The following TDRD5 variants were observed in gnomAD, a reference collection of about 807,000 sequenced individuals.
TDRD5 encodes the protein tudor domain-containing protein 5.
TDRD5 carries 41 observed loss-of-function variants against 120.6 expected under a neutral mutation model. That is an observed-to-expected ratio of 0.34 (90% CI 0.26 to 0.44). TDRD5 has a LOEUF of 0.44. TDRD5 is among the 20% of genes least tolerant of loss of function. TDRD5 has a pLI of 1.00. For missense variants in TDRD5, 1,006 were observed against 1,221.2 expected (o/e 0.82, Z 2.63); for synonymous variants, 430 against 433.7 (o/e 0.99, Z 0.11).
intron 4 of TDRD5, among the ~76,000 whole-genome samples, chr1:179,597,046 T>G (rs1675431622): frequency 6.6e-6 from 1 of 152,216 alleles, no homozygotes; most frequent in African/African-American, 2.4e-5. Context: ...CATAATAATC[T>G]AATGATAATG....
chr1:179,674,750 C>A (rs1680033571), intron 17 of TDRD5, among the ~76,000 whole-genome samples: 1 of 152,150 alleles, frequency 6.6e-6, no homozygotes, highest in Admixed American at 6.5e-5. Flanking sequence ...GATTCTGTAT[C>A]ATCCTGGTTT....
At chr1:179,666,946 C>T (rs1352628212) in intron 16 of TDRD5, among the ~76,000 whole-genome samples, 1 of 152,146 alleles carries the variant, frequency 6.6e-6, no homozygotes, top group East Asian at 1.9e-4. Context: ...GGTGTATTTC[C>T]AAACAACTGT....
At chr1:179,631,666 G>GTTTCTTCC (rs1677454889) in intron 7 of TDRD5, among the ~76,000 whole-genome samples, 1 of 151,948 alleles carries the variant, frequency 6.6e-6, no homozygotes, top group Non-Finnish European at 1.5e-5. Context: ...CTTTCACCCA[G>GTTTCTTCC]TTTCTTCCAA....
rs1679735564 is a variant in TDRD5, at chr1:179,669,339, T to C, written c.2795T>C (p.Leu932Pro). Residue 932 changes from leucine to proline, a missense_variant, in exon 17 of 18, where the codon CTT (leucine) becomes CCT (proline). Coordinates refer to ENST00000444136, the MANE Select transcript of TDRD5 (RefSeq NM_001199085.3). Reference protein sequence around the residue: ...NSQTQPKQIQLSTAAPCSTTA... With the variant: ...NSQTQPKQIQPSTAAPCSTTA... ...CAGACTCAGCCAAAGCAAATTCAGC[T>C]TTCCACAGCAGCACCCTGTTCAACA... is the stretch of plus-strand genomic sequence containing the variant. The C allele has an allele frequency of 1.2e-6, 2 of 1,614,048 alleles. No individual in the cohort carries two copies. The highest frequency in any genetic ancestry group is 4.5e-5 in the East Asian group (2 of 44,890).
intron 12 of TDRD5, 58 bp downstream of exon 12, chr1:179,651,125 T>C (rs1444184682): frequency 1.3e-6 from 2 of 1,536,304 alleles, no homozygotes; most frequent in Admixed American, 1.8e-5. Context: ...CACGTCAAGG[T>C]ATAAGATAAT....
intron 11 of TDRD5, among the ~76,000 whole-genome samples, chr1:179,645,111 A>G (rs1217747361): frequency 9.2e-6 from 1 of 108,248 alleles, no homozygotes; most frequent in Non-Finnish European, 1.7e-5. Context: ...TTTGAGACGG[A>G]GTCTCGCTCT....
At chr1:179,634,102 C>T (rs548841918) in intron 7 of TDRD5, among the ~76,000 whole-genome samples, 2 of 149,978 alleles carry the variant, frequency 1.3e-5, no homozygotes, top group East Asian at 2.0e-4. Context: ...ACCCAGGAGG[C>T]GGAACTTGCA....
intron 11 of TDRD5, among the ~76,000 whole-genome samples, chr1:179,641,384 G>A (rs1278854178): frequency 6.6e-6 from 1 of 152,038 alleles, no homozygotes; most frequent in African/African-American, 2.4e-5. Flanking sequence ...ACAAAAAATA[G>A]CCAGGCGTGG....
At chr1:179,658,745 C>T (rs1679132414) in intron 14 of TDRD5, among the ~76,000 whole-genome samples, 1 of 152,058 alleles carries the variant, frequency 6.6e-6, no homozygotes, top group Non-Finnish European at 1.5e-5. Context: ...TTTGGTGTCA[C>T]TGGTTTTATC....
chr1:179,625,425 G>A (rs1231763083), intron 6 of TDRD5, among the ~76,000 whole-genome samples: 2 of 152,202 alleles, frequency 1.3e-5, no homozygotes, highest in Admixed American at 6.5e-5. Context: ...ATCTAACAAA[G>A]GACTTATATT....
chr1:179,691,070 C>T lies in TDRD5; in HGVS notation c.*127C>T, dbSNP rs1028328473. 1 of 1,285,708 alleles carries T rather than the reference C, an allele frequency of 7.8e-7. No homozygotes were observed. The allele number at this position is 1,285,708 out of a possible 1,614,324, so 79.6% of individuals were successfully genotyped here. A position where few individuals can be genotyped will look rare whatever the true frequency, so the allele number is the denominator to read the frequency against. On this transcript the variant is annotated 3_prime_UTR_variant, in exon 18 of 18. Transcript: ENST00000444136. Reference sequence around the variant, plus strand: ...CATTGATACTTTTGTCTTTCTGTGACTATATGTTAGCTTTATTATGCTAAC... The same window carrying T: ...CATTGATACTTTTGTCTTTCTGTGATTATATGTTAGCTTTATTATGCTAAC...
Position 179,640,060 on chromosome 1 carries a change from A to T in TDRD5, c.1733+9A>T. The T allele has an allele frequency of 6.2e-7, 1 of 1,613,318 alleles. No homozygotes were observed. Among genetic ancestry groups the T allele is most frequent in the Non-Finnish European group, 8.5e-7 (1 of 1,179,420 alleles). On this transcript the variant is annotated intron_variant, in intron 10 of 17. Coordinates refer to ENST00000444136, the MANE Select transcript of TDRD5 (RefSeq NM_001199085.3). Reference sequence around the variant, plus strand: ...TCCCTGAGGTTCCTCAAGTGAGTTGAATTGAATTAGAACAATGGATGAATT... The same window carrying T: ...TCCCTGAGGTTCCTCAAGTGAGTTGTATTGAATTAGAACAATGGATGAATT...
intron 5 of TDRD5, among the ~76,000 whole-genome samples, 171 bp downstream of exon 5, chr1:179,618,853 A>C (rs1257449969): frequency 6.6e-6 from 1 of 152,136 alleles, no homozygotes; most frequent in Non-Finnish European, 1.5e-5. Flanking sequence ...TACTCCTAAA[A>C]ATTTTTAACA....
intron 17 of TDRD5, among the ~76,000 whole-genome samples, chr1:179,677,537 C>T (rs536517262): frequency 1.3e-5 from 2 of 152,188 alleles, no homozygotes; most frequent in African/African-American, 2.4e-5. Context: ...TTTTGTCCCA[C>T]GGGATGCTCC....
At chr1:179,610,807 T>C (rs1676235723) in intron 4 of TDRD5, among the ~76,000 whole-genome samples, 1 of 152,126 alleles carries the variant, frequency 6.6e-6, no homozygotes, top group Non-Finnish European at 1.5e-5. Context: ...CTTTCAGACT[T>C]TTTTTCTATT....
At chr1:179,633,873 A>G (rs1049093974) in intron 7 of TDRD5, among the ~76,000 whole-genome samples, 15 of 152,026 alleles carry the variant, frequency 9.9e-5, no homozygotes, top group African/African-American at 3.6e-4. Flanking sequence ...GTCTTTAACT[A>G]AAGTTTAAGA....
At chr1:179,647,586 C>A (rs1177014196) in intron 11 of TDRD5, among the ~76,000 whole-genome samples, 1 of 151,558 alleles carries the variant, frequency 6.6e-6, no homozygotes, top group Admixed American at 6.6e-5. Context: ...GCAACAAAAG[C>A]CAAAATTGAC....
chr1:179,678,493 A>C (rs1680254265), intron 17 of TDRD5, among the ~76,000 whole-genome samples: 1 of 152,188 alleles, frequency 6.6e-6, no homozygotes, highest in Non-Finnish European at 1.5e-5. Flanking sequence ...GAGTCTCCAC[A>C]TGCCACTTTG....
In TDRD5 at chr1:179,650,889, T is replaced by C. The variant is rs1310991006; in HGVS notation, c.1823T>C (p.Ile608Thr). 1.9e-6 allele frequency: 3 copies of C among 1,614,160 alleles called. No individual in the cohort carries two copies. The highest frequency in any genetic ancestry group is 2.7e-5 in the African/African-American group (2 of 75,048). The change falls in exon 12 of 18, where the codon ATT becomes ACT. Residue 608 changes from isoleucine to threonine, a missense_variant. Transcript: ENST00000444136. ...PVEEHWTSKA[I>T]LQFQKLCGLK... ...CAGGAACACTGGACATCGAAAGCTA[T>C]TTTGCAGTTCCAGAAGTTGTGCGGT...
Sources: gnomAD v4.1 joint callset for allele counts (sites outside exome capture counted in the v4.1 genomes callset) on GRCh38, gnomAD v4.1.1 for gene constraint, MANE v1.5 for transcripts, NCBI Gene and HGNC (gene_info 2026-07-23, HGNC 2026-07-21) for gene names.